The following GBE1 variants were observed in gnomAD, a reference collection of about 807,000 sequenced individuals.
GBE1 encodes 1,4-alpha-glucan-branching enzyme.
A neutral mutation model predicts 88.8 loss-of-function variants in GBE1; 70 were observed. That is an observed-to-expected ratio of 0.79 (90% CI 0.65 to 0.96). The LOEUF is 0.96. GBE1 is among the 40% of genes least tolerant of loss of function. The probability of loss-of-function intolerance (pLI) is 0.00; values close to 1 mark genes in which losing one functional copy is unlikely to be tolerated. For synonymous variants in GBE1, 284 were observed against 300.1 expected (o/e 0.95, Z 0.56); for missense variants, 872 against 871.0 (o/e 1.00, Z -0.01).
At chr3:81,646,951 G>A (rs1704773281) in intron 5 of GBE1, among the ~76,000 whole-genome samples, 1 of 148,474 alleles carries the variant, frequency 6.7e-6, no homozygotes, top group South Asian at 2.1e-4. Flanking sequence ...TTTTCCATAA[G>A]GTAGCTTTTT....
chr3:81,696,301 A>G (rs910033294), intron 2 of GBE1, among the ~76,000 whole-genome samples: 8 of 152,226 alleles, frequency 5.3e-5, no homozygotes, highest in Non-Finnish European at 1.0e-4. Context: ...TGACAGATTT[A>G]CCACATTTCT....
At chr3:81,723,564 G>T (rs1044960658) in intron 1 of GBE1, among the ~76,000 whole-genome samples, 1 of 152,048 alleles carries the variant, frequency 6.6e-6, no homozygotes, top group African/African-American at 2.4e-5. Flanking sequence ...TTCACTGCCT[G>T]TTGCACAGAG....
intron 7 of GBE1, among the ~76,000 whole-genome samples, chr3:81,620,964 C>T (rs905966161): frequency 6.6e-6 from 1 of 152,152 alleles, no homozygotes; most frequent in Non-Finnish European, 1.5e-5. Context: ...TACGAGAGGA[C>T]AGCAATACCT....
intron 7 of GBE1, among the ~76,000 whole-genome samples, chr3:81,634,346 G>A (rs749767311): frequency 3.9e-5 from 6 of 152,164 alleles, no homozygotes; most frequent in African/African-American, 7.2e-5. Flanking sequence ...TAAGCAGCTT[G>A]GTTCAAGAGC....
intron 1 of GBE1, among the ~76,000 whole-genome samples, chr3:81,722,520 T>G (rs988663147): frequency 5.3e-5 from 8 of 151,900 alleles, no homozygotes; most frequent in African/African-American, 1.7e-4. Context: ...ACTTTAAAAT[T>G]TATTATTTAA....
At chr3:81,507,000 G>C (rs1447949962) in intron 14 of GBE1, among the ~76,000 whole-genome samples, 1 of 151,982 alleles carries the variant, frequency 6.6e-6, no homozygotes, top group Non-Finnish European at 1.5e-5. Context: ...GAAATAATCT[G>C]TACAATGAAC....
Position 81,524,791 on chromosome 3 carries a change from T to C in GBE1, c.1934+10404A>G, listed in dbSNP as rs371114748. 7.9e-5 allele frequency among the ~76,000 whole-genome samples: 12 copies of C among 152,100 alleles called. No individual in the cohort carries two copies. The East Asian group carries it at 2.1e-3, about 27-fold the overall frequency. On this transcript the variant is annotated intron_variant, in intron 14 of 15. Coordinates refer to ENST00000429644, the MANE Select transcript of GBE1 (RefSeq NM_000158.4). ...TGTGTCTGTTTTTATGGCATTACCA[T>C]GCTGTTTTGGTCACTATAGCTCTGT... is the stretch of plus-strand genomic sequence containing the variant.
At position 81,490,441 on chromosome 3, in the gene GBE1, G is replaced by A; in HGVS notation, c.2075C>T (p.Ala692Val). 6.2e-7 allele frequency: 1 copy of A among 1,612,976 alleles called. No individual in the cohort carries two copies. The highest frequency in any genetic ancestry group is 8.5e-7 in the Non-Finnish European group (1 of 1,179,286). The stretch of plus-strand genomic sequence containing the variant: ...CAGATCCACATTCTGAAGGATGAGG[G>A]CCACTCTGCTTGGAATGTACACCTA... ...SLLVYIPSRV[A>V]LILQNVDLPN Residue 692 changes from alanine (A) to valine (V), a missense_variant, in exon 16 of 16, where the codon GCC becomes GTC. Transcript: ENST00000429644.
At chr3:81,624,037 G>A (rs1025655593) in intron 7 of GBE1, among the ~76,000 whole-genome samples, 9 of 152,076 alleles carry the variant, frequency 5.9e-5, no homozygotes, top group African/African-American at 1.9e-4. Flanking sequence ...ACTGCCCAAG[G>A]CTAGGTAATT....
intron 12 of GBE1, among the ~76,000 whole-genome samples, chr3:81,537,402 T>C (rs1703092294): frequency 6.6e-6 from 1 of 152,066 alleles, no homozygotes; most frequent in Admixed American, 6.6e-5. Context: ...ATTTCATTTC[T>C]GAAATAATCT....
At chr3:81,723,077 T>C (rs965343813) in intron 1 of GBE1, among the ~76,000 whole-genome samples, 3 of 151,758 alleles carry the variant, frequency 2.0e-5, no homozygotes, top group African/African-American at 7.3e-5. Context: ...AAAAACGTGG[T>C]ACCTGTCTTC....
chr3:81,688,304 A>G (rs1349962155), intron 2 of GBE1, among the ~76,000 whole-genome samples: 1 of 152,196 alleles, frequency 6.6e-6, no homozygotes, highest in Non-Finnish European at 1.5e-5. Flanking sequence ...TAATTTGTCT[A>G]TATTGATTTG....
intron 3 of GBE1, among the ~76,000 whole-genome samples, chr3:81,666,149 G>A (rs1248009018): frequency 1.3e-5 from 2 of 151,896 alleles, no homozygotes; most frequent in Admixed American, 1.3e-4. Flanking sequence ...AAGACTAATA[G>A]GCACAGTATA....
intron 2 of GBE1, 178 bp from the exon 3 acceptor site, chr3:81,671,131 A>C (rs565795995): frequency 5.0e-6 from 2 of 402,966 alleles, no homozygotes; most frequent in Non-Finnish European, 8.7e-6. Context: ...TTCTTAATTT[A>C]TTTATAAAAA....
rs540616708 is a variant in GBE1, at chr3:81,645,943, T to C, written c.782+449A>G. 8.5e-5 allele frequency among the ~76,000 whole-genome samples: 13 copies of C among 152,296 alleles called. No homozygotes were observed. In the South Asian group the frequency reaches 2.5e-3, roughly 29 times the overall value. On this transcript the variant is annotated intron_variant, in intron 6 of 15. Transcript: ENST00000429644. ...GCATAGAATCCCTTGGTGTCTTTTC[T>C]GTCCAGAGAGAATTATTCCATCCAT...
At chr3:81,657,414 T>G (rs1704957544) in intron 3 of GBE1, among the ~76,000 whole-genome samples, 1 of 152,120 alleles carries the variant, frequency 6.6e-6, no homozygotes, top group Non-Finnish European at 1.5e-5. Context: ...AAAATTGCAT[T>G]CTGAATTTCC....
intron 1 of GBE1, among the ~76,000 whole-genome samples, chr3:81,706,867 CA>C (rs143444052): frequency 0.13 from 18,982 of 148,388 alleles, 1,340 homozygotes; most frequent in Non-Finnish European, 0.17. Flanking sequence ...TTAGACTCAA[CA>C]AAAAAAAGTA....
chr3:81,666,835 T>C (rs905669428), intron 3 of GBE1, among the ~76,000 whole-genome samples: 6 of 152,178 alleles, frequency 3.9e-5, no homozygotes, highest in African/African-American at 9.7e-5. Flanking sequence ...CCTTATGATT[T>C]TAATTGCCTA....
chr3:81,514,634 T>C (rs1702772290), intron 14 of GBE1, among the ~76,000 whole-genome samples: 1 of 151,606 alleles, frequency 6.6e-6, no homozygotes. Flanking sequence ...AGAAACTTCT[T>C]TTGGTTGCAG....
Sources: gnomAD v4.1 joint callset for allele counts (sites outside exome capture counted in the v4.1 genomes callset) on GRCh38, gnomAD v4.1.1 for gene constraint, MANE v1.5 for transcripts, NCBI Gene and HGNC (gene_info 2026-07-23, HGNC 2026-07-21) for gene names.